The following DICER1 variants were observed in gnomAD, a reference collection of about 807,000 sequenced individuals.
The protein encoded by DICER1 is endoribonuclease Dicer.
Under a neutral mutation model 194.1 loss-of-function variants are expected in DICER1, and 43 were observed. The ratio of observed to expected loss-of-function variants is 0.22; its 90% CI spans 0.17 to 0.29. DICER1 has a LOEUF of 0.29. Ranked by LOEUF, DICER1 falls within the 10% of genes least tolerant of loss-of-function variation. The probability of loss-of-function intolerance (pLI) is 1.00; values close to 1 mark genes in which losing one functional copy is unlikely to be tolerated. For synonymous variants in DICER1, 832 were observed against 820.5 expected, an observed-to-expected ratio of 1.01 and a Z score of -0.24; for missense variants, 1,608 against 2,317.0, an observed-to-expected ratio of 0.69 and a Z score of 6.28.
At position 95,124,754 on chromosome 14, in the gene DICER1, T is replaced by C; in HGVS notation, c.904-86A>G. 8.6e-7 allele frequency: 1 copy of C among 1,157,286 alleles called. No individual in the cohort carries two copies. The highest frequency in any genetic ancestry group is 1.3e-6 in the Non-Finnish European group (1 of 784,920). The allele number at this position is 1,157,286 out of a possible 1,614,324, so 71.7% of individuals were successfully genotyped here. A position where few individuals can be genotyped will look rare whatever the true frequency, so the allele number is the denominator to read the frequency against. On this transcript the variant is annotated intron_variant, in intron 7 of 26. Coordinates refer to ENST00000343455, the MANE Select transcript of DICER1 (RefSeq NM_177438.3). The surrounding 1 kb of genome is among the most constrained non-coding windows in gnomAD (Gnocchi z 4.5). ...TGGGGTTTAACTGGGATTTCAGTTG[T>C]TCTCAAATGGCTCCTTAAATGTAAC...
chr14:95,141,354 G>C (rs1461932832), intron 1 of DICER1, among the ~76,000 whole-genome samples: 1 of 152,128 alleles, frequency 6.6e-6, no homozygotes, highest in East Asian at 1.9e-4. Flanking sequence ...TTTAAATTTG[G>C]GGTGGCTCTC....
intron 3 of DICER1, 41 bp from the exon 4 acceptor site, chr14:95,131,680 T>C: frequency 6.3e-7 from 1 of 1,595,284 alleles, no homozygotes. Flanking sequence ...ATGAGAAATC[T>C]TGCCTAGTTG....
rs570352360 is a variant in DICER1 at position 95,122,916 on chromosome 14, G to A, written c.1376+1280C>T. Reference sequence around the variant, plus strand: ...CCTAAACATTCAGAAGCAGTTAAGCGCGTGTGCGCGTGCGTGTACGCGCGC... The same window carrying A: ...CCTAAACATTCAGAAGCAGTTAAGCACGTGTGCGCGTGCGTGTACGCGCGC... On this transcript the variant is annotated intron_variant, in intron 8 of 26. Coordinates refer to ENST00000343455, the MANE Select transcript of DICER1 (RefSeq NM_177438.3). Among the ~76,000 whole-genome samples, 260 of 151,798 alleles carry A rather than the reference G, an allele frequency of 1.7e-3. 2 individuals carry two copies. The highest frequency in any genetic ancestry group is 5.7e-3 in the African/African-American group (235 of 41,390).
At chr14:95,094,835 G>C (rs1282437507) in intron 23 of DICER1, among the ~76,000 whole-genome samples, 1 of 152,180 alleles carries the variant, frequency 6.6e-6, no homozygotes, top group Non-Finnish European at 1.5e-5. Context: ...TTCTCACAGT[G>C]ATTAAAATAA....
rs1254898247 is a variant in DICER1, at chr14:95,111,430, C to T, written c.2143G>A (p.Val715Ile). The stretch of plus-strand genomic sequence containing the variant: ...TCATATTTAACAGTCTCTTTCCCAA[C>T]TGGCATCAAATGGTCATCCAGTTCG... ...IGELDDHLMP[V>I]GKETVKYEEE... Residue 715 changes from valine to isoleucine, a missense_variant, in exon 14 of 27, where the codon GTT (valine) becomes ATT (isoleucine). This residue lies in a region of DICER1 where 657 missense variants were observed against 910.1 expected (regional missense o/e 0.72). Coordinates refer to ENST00000343455, the MANE Select transcript of DICER1 (RefSeq NM_177438.3). 1 of 1,614,152 alleles carries T rather than the reference C, an allele frequency of 6.2e-7. No homozygotes were observed.
rs892971080 is a variant in DICER1, at chr14:95,113,105, C to G, written c.2027G>C (p.Arg676Pro). ...TLYLPINSPLRASIVGPPMSC... is the reference protein window; with the variant it reads ...TLYLPINSPLPASIVGPPMSC... ...TTCTAAACTTACAACAATGGAGGCT[C>G]GAAGAGGTGAGTTAATTGGCAGATA... The change falls in exon 12 of 27, where the codon CGA becomes CCA. Residue 676 changes from arginine to proline, a missense_variant. Transcript: ENST00000343455. 2.5e-6 allele frequency: 4 copies of G among 1,613,638 alleles called. No homozygotes were observed. Among genetic ancestry groups the G allele is most frequent in the Non-Finnish European group, 3.4e-6 (4 of 1,179,694 alleles).
intron 14 of DICER1, among the ~76,000 whole-genome samples, chr14:95,111,073 G>T (rs1448541198): frequency 6.6e-6 from 1 of 152,122 alleles, no homozygotes; most frequent in African/African-American, 2.4e-5. Flanking sequence ...TGACAGATGG[G>T]TCCAAGAATC....
chr14:95,107,042 T>TC (rs1481092543), intron 17 of DICER1, among the ~76,000 whole-genome samples: 2 of 152,114 alleles, frequency 1.3e-5, no homozygotes, highest in Non-Finnish European at 2.9e-5. Flanking sequence ...TTCTTTCTTT[T>TC]CCCCGATCTG....
intron 11 of DICER1, among the ~76,000 whole-genome samples, chr14:95,113,739 A>C (rs527776050): frequency 5.8e-4 from 88 of 152,326 alleles, no homozygotes; most frequent in African/African-American, 1.6e-3. Context: ...GAGCAACAGC[A>C]CCAGGGAAGG....
intron 8 of DICER1, among the ~76,000 whole-genome samples, chr14:95,122,876 A>G (rs1276165284): frequency 1.3e-5 from 2 of 152,126 alleles, no homozygotes; most frequent in Admixed American, 6.5e-5. Context: ...GTTACTCAAA[A>G]AAGTTTTTAA....
chr14:95,116,859 C>T (rs1007824199), intron 9 of DICER1, among the ~76,000 whole-genome samples, 164 bp from the exon 10 acceptor site: 3 of 152,146 alleles, frequency 2.0e-5, no homozygotes, highest in Non-Finnish European at 4.4e-5. Flanking sequence ...TCACAGAAAA[C>T]TCAGCATGCA....
intron 1 of DICER1, among the ~76,000 whole-genome samples, chr14:95,135,451 C>A (rs937433795): frequency 9.2e-5 from 14 of 152,228 alleles, no homozygotes; most frequent in African/African-American, 3.1e-4. Context: ...CTCCTCCCTA[C>A]AACTGTCACC....
chr14:95,142,140 T>C (rs1237246193), intron 1 of DICER1, among the ~76,000 whole-genome samples: 2 of 152,050 alleles, frequency 1.3e-5, no homozygotes, highest in Non-Finnish European at 2.9e-5. Context: ...TTCTATTTTG[T>C]AGAGCTGGGG....
intron 1 of DICER1, among the ~76,000 whole-genome samples, chr14:95,153,198 C>T (rs117191169): frequency 0.021 from 3,097 of 147,210 alleles, 37 homozygotes; most frequent in Non-Finnish European, 0.032. Flanking sequence ...GCCTGGGCAA[C>T]GTAGTGAGAC....
At chr14:95,156,610 A>G (rs908629947) in intron 1 of DICER1, among the ~76,000 whole-genome samples, 9 of 152,378 alleles carry the variant, frequency 5.9e-5, no homozygotes, top group African/African-American at 1.7e-4. Context: ...AACCCTGAAG[A>G]AAGGGTCCTC....
At chr14:95,153,092 C>T (rs1222302093) in intron 1 of DICER1, among the ~76,000 whole-genome samples, 1 of 152,106 alleles carries the variant, frequency 6.6e-6, no homozygotes, top group Non-Finnish European at 1.5e-5. Flanking sequence ...TGGCGGGCAC[C>T]TGTAGTCCCA....
rs536578483 is a variant in DICER1, at chr14:95,107,391, C to T, written c.2804+217G>A. On this transcript the variant is annotated intron_variant, in intron 17 of 26. Coordinates refer to ENST00000343455, the MANE Select transcript of DICER1 (RefSeq NM_177438.3). ...TCAGCCTCCCGAGTAACTGGGACTACAGGCGTGCACCACCACGCCTGGCTA... is the reference window on the plus strand; with the variant it reads ...TCAGCCTCCCGAGTAACTGGGACTATAGGCGTGCACCACCACGCCTGGCTA... Among the ~76,000 whole-genome samples the T allele has an allele frequency of 2.0e-5, 3 of 151,974 alleles. 1 individual carries two copies. Among genetic ancestry groups the T allele is most frequent in the Non-Finnish European group, 2.9e-5 (2 of 68,012 alleles).
intron 6 of DICER1, among the ~76,000 whole-genome samples, chr14:95,128,585 G>A (rs1893681484): frequency 1.3e-5 from 2 of 152,180 alleles, no homozygotes; most frequent in Admixed American, 1.3e-4. Context: ...CAGGCACACT[G>A]CAGATTTTTC....
Position 95,124,402 on chromosome 14 carries a change from A to G in DICER1, c.1170T>C (p.Tyr390=), listed in dbSNP as rs758299098. ...CAACGCTTTCAAACTGCTGTCGCTC[A>G]TATGGTTTATATTTGCGTAAGATTT... ...LLEILRKYKP[Y]ERQQFESVEW... Residue 390 remains tyrosine (Y), a synonymous_variant, in exon 8 of 27, where the codon TAT becomes TAC. Coordinates refer to ENST00000343455, the MANE Select transcript of DICER1 (RefSeq NM_177438.3). This position sits in a 1 kb window ranked among gnomAD's most constrained non-coding sequence, Gnocchi z 4.5. 4 of 1,614,152 alleles carry G rather than the reference A, an allele frequency of 2.5e-6. No homozygotes were observed. The Admixed American group carries it at 6.7e-5, about 27-fold the overall frequency.
Sources: gnomAD v4.1 joint callset for allele counts (sites outside exome capture counted in the v4.1 genomes callset) on GRCh38, gnomAD v4.1.1 for gene constraint, gnomAD v4.1.1 regional missense constraint, Gnocchi (gnomAD v3.1) non-coding constraint, MANE v1.5 for transcripts, NCBI Gene and HGNC (gene_info 2026-07-23, HGNC 2026-07-21) for gene names.